The following PTPN1 variants were observed in gnomAD, a reference collection of about 807,000 sequenced individuals.
The protein encoded by PTPN1 is protein tyrosine phosphatase non-receptor type 1.
PTPN1 carries 12 observed loss-of-function variants against 59.9 expected under a neutral mutation model. That is an observed-to-expected ratio of 0.20 (90% CI 0.13 to 0.32). The LOEUF (loss-of-function observed/expected upper bound fraction) is 0.32. PTPN1 is among the 10% of genes least tolerant of loss of function. The probability of loss-of-function intolerance (pLI) is 1.00; values close to 1 mark genes in which losing one functional copy is unlikely to be tolerated. For synonymous variants in PTPN1, 178 were observed against 203.6 expected (o/e 0.87, Z 1.07); for missense variants, 356 against 549.2 (o/e 0.65, Z 3.52).
At chr20:50,522,418 G>A (rs2082555406) in intron 1 of PTPN1, among the ~76,000 whole-genome samples, 1 of 152,164 alleles carries the variant, frequency 6.6e-6, no homozygotes, top group East Asian at 1.9e-4. Flanking sequence ...TTTGTGACTT[G>A]GTCAGGAGTG....
intron 1 of PTPN1, among the ~76,000 whole-genome samples, chr20:50,511,497 A>C (rs2082507246): frequency 6.6e-6 from 1 of 152,172 alleles, no homozygotes; most frequent in African/African-American, 2.4e-5. Flanking sequence ...TCAGGCAGGG[A>C]CTCAGGAAGG....
chr20:50,556,163 CTGT>C (rs1389531688), intron 1 of PTPN1, among the ~76,000 whole-genome samples: 1 of 151,550 alleles, frequency 6.6e-6, no homozygotes, highest in Non-Finnish European at 1.5e-5. Context: ...TGTCATCATG[CTGT>C]TGTTTTTTTG....
chr20:50,579,484 A>G (rs2082854495), intron 7 of PTPN1, among the ~76,000 whole-genome samples, 155 bp downstream of exon 7: 1 of 152,246 alleles, frequency 6.6e-6, no homozygotes, highest in African/African-American at 2.4e-5. Flanking sequence ...CAAAATGTTC[A>G]CCATGTTGCA....
intron 4 of PTPN1, among the ~76,000 whole-genome samples, chr20:50,569,287 C>CA (rs1383682331): frequency 6.6e-6 from 1 of 152,226 alleles, no homozygotes; most frequent in Non-Finnish European, 1.5e-5. Context: ...ACAGACCTCT[C>CA]ACCACTCTTG....
intron 1 of PTPN1, among the ~76,000 whole-genome samples, chr20:50,511,114 G>C (rs1184841174): frequency 6.6e-6 from 1 of 152,124 alleles, no homozygotes; most frequent in East Asian, 1.9e-4. Flanking sequence ...TTCATTTATT[G>C]GATAGGAGTT....
intron 1 of PTPN1, among the ~76,000 whole-genome samples, chr20:50,552,725 A>C (rs868126174): frequency 4.0e-5 from 6 of 151,668 alleles, no homozygotes; most frequent in Admixed American, 2.6e-4. Flanking sequence ...GTATAGTGCT[A>C]ATATACCTGT....
intron 1 of PTPN1, among the ~76,000 whole-genome samples, chr20:50,556,971 C>A (rs537512228): frequency 1.6e-4 from 25 of 152,294 alleles, no homozygotes; most frequent in African/African-American, 6.0e-4. Flanking sequence ...AACCCACATA[C>A]ATGACTTTAC....
At chr20:50,511,089 TC>T (rs1458698828) in intron 1 of PTPN1, among the ~76,000 whole-genome samples, 6 of 152,104 alleles carry the variant, frequency 3.9e-5, no homozygotes, top group African/African-American at 1.4e-4. Context: ...CAGTCCCCTT[TC>T]CCCTTTCTGT....
chr20:50,521,789 T>C (rs1013578997), intron 1 of PTPN1, among the ~76,000 whole-genome samples: 7 of 152,234 alleles, frequency 4.6e-5, no homozygotes, highest in Non-Finnish European at 7.3e-5. Context: ...GATTCTGGCC[T>C]CTCTTGAAAA....
chr20:50,511,880 C>T (rs1388299128), intron 1 of PTPN1, among the ~76,000 whole-genome samples: 1 of 152,186 alleles, frequency 6.6e-6, no homozygotes, highest in Non-Finnish European at 1.5e-5. Flanking sequence ...TTGTGAGATC[C>T]ATCAGCTGTA....
chr20:50,550,636 T>A (rs1002548675), intron 1 of PTPN1, among the ~76,000 whole-genome samples: 1 of 152,254 alleles, frequency 6.6e-6, no homozygotes, highest in South Asian at 2.1e-4. Flanking sequence ...GTTGGTATAT[T>A]GTTAAGGACA....
At chr20:50,560,796 T>G (rs1473807053) in intron 1 of PTPN1, among the ~76,000 whole-genome samples, 1 of 152,130 alleles carries the variant, frequency 6.6e-6, no homozygotes, top group African/African-American at 2.4e-5. Context: ...TTTAATGTGA[T>G]TATCGTGGAA....
intron 1 of PTPN1, among the ~76,000 whole-genome samples, chr20:50,538,402 G>A (rs1160825353): frequency 6.6e-6 from 1 of 152,152 alleles, no homozygotes; most frequent in Admixed American, 6.5e-5. Context: ...CGGCCAAGGG[G>A]CTATACAAGC....
intron 1 of PTPN1, among the ~76,000 whole-genome samples, chr20:50,543,197 C>T (rs2082660058): frequency 6.6e-6 from 1 of 152,114 alleles, no homozygotes; most frequent in Non-Finnish European, 1.5e-5. Context: ...CAAGTTTATA[C>T]ACAACATAAA....
intron 1 of PTPN1, 112 bp downstream of exon 1, chr20:50,510,702 C>G: frequency 8.8e-7 from 1 of 1,138,368 alleles, no homozygotes. Context: ...CTCGCTCCTA[C>G]TGCTTGAGGA....
chr20:50,580,005 C>A, intron 8 of PTPN1, 79 bp downstream of exon 8: 1 of 1,313,984 alleles, frequency 7.6e-7, no homozygotes. Flanking sequence ...GTACTGAAAC[C>A]CTGTGGATGC....
In PTPN1 at chr20:50,568,197, A is replaced by G. The variant is rs948740300; in HGVS notation, c.256-183A>G. ...AAATCGCCTTTCGCTGCCTGGTAGA[A>G]AATGGAGCTGCAGTTACTGACCACC... On this transcript the variant is annotated intron_variant, in intron 3 of 9. Transcript: ENST00000371621. This position sits in a 1 kb window ranked among gnomAD's most constrained non-coding sequence, Gnocchi z 5.6. Among the ~76,000 whole-genome samples the G allele has an allele frequency of 2.0e-5, 3 of 152,252 alleles. No homozygotes were observed. The highest frequency in any genetic ancestry group is 7.2e-5 in the African/African-American group (3 of 41,458).
intron 1 of PTPN1, among the ~76,000 whole-genome samples, chr20:50,520,247 T>G (rs1324850714): frequency 2.6e-4 from 39 of 151,924 alleles, no homozygotes; most frequent in Admixed American, 2.6e-3. Context: ...GGTACATGCC[T>G]GTAATCCCAG....
chr20:50,531,525 C>T (rs1207703333), intron 1 of PTPN1, among the ~76,000 whole-genome samples: 1 of 152,242 alleles, frequency 6.6e-6, no homozygotes, highest in African/African-American at 2.4e-5. Flanking sequence ...TTCAGGCTCC[C>T]GCCACCATGC....
Sources: gnomAD v4.1 joint callset for allele counts (sites outside exome capture counted in the v4.1 genomes callset) on GRCh38, gnomAD v4.1.1 for gene constraint, Gnocchi (gnomAD v3.1) non-coding constraint, MANE v1.5 for transcripts, NCBI Gene and HGNC (gene_info 2026-07-23, HGNC 2026-07-21) for gene names.